PLA2G2C: variants seen among roughly 807,000 people sequenced by gnomAD.
PLA2G2C encodes phospholipase A2 group IIC.
Under a neutral mutation model 14.3 loss-of-function variants are expected in PLA2G2C, and 15 were observed. The observed-to-expected ratio is 1.05, with a 90% CI of 0.70 to 1.62. PLA2G2C has a LOEUF of 1.62. Ranked by LOEUF, PLA2G2C falls within the 40% of genes most tolerant of loss-of-function variation. PLA2G2C has a pLI of 0.00. For synonymous variants in PLA2G2C, 79 were observed against 67.7 expected (o/e 1.17, Z -0.82); for missense variants, 162 against 173.2 (o/e 0.94, Z 0.36).
In PLA2G2C at chr1:20,163,690, T is replaced by C; in HGVS notation, c.*301A>G. On this transcript the variant is annotated 3_prime_UTR_variant, in exon 5 of 5. Transcript: ENST00000679259. The stretch of plus-strand genomic sequence containing the variant: ...TGTTTTACTGCATCATAGCACTTAC[T>C]ACAGTCTAATGTGTCTCTTACTTCT... 1 of 303,530 alleles carries C rather than the reference T, an allele frequency of 3.3e-6. No homozygotes were observed. The highest frequency in any genetic ancestry group is 6.1e-6 in the Non-Finnish European group (1 of 164,248). The allele number at this position is 303,530 out of a possible 1,614,324, so 18.8% of individuals were successfully genotyped here. A position where few individuals can be genotyped will look rare whatever the true frequency, so the allele number is the denominator to read the frequency against.
At position 20,164,109 on chromosome 1, in the gene PLA2G2C, G is replaced by T. The variant is rs369355506; in HGVS notation, c.332C>A (p.Ala111Asp). Residue 111 changes from alanine (A) to aspartate (D), a missense_variant, in exon 5 of 5, where the codon GCC becomes GAC. Transcript: ENST00000679259. ...CACGGATTGCTTGTCACACTCACAG[G>T]CCTTCAGCCTGCAGTGGCAGCTGGC... The part of the protein sequence containing the change: ...PGASCHCRLK[A>D]CECDKQSVHC... The T allele has an allele frequency of 3.1e-6, 5 of 1,613,710 alleles. No homozygotes were observed. In the African/African-American group the frequency reaches 6.7e-5, roughly 22 times the overall value.
At chr1:20,167,790 T>C (rs1286059449) in intron 4 of PLA2G2C, among the ~76,000 whole-genome samples, 1 of 152,182 alleles carries the variant, frequency 6.6e-6, no homozygotes, top group Admixed American at 6.5e-5. Context: ...TCCTAGCACA[T>C]TGGCCCTGAG....
intron 4 of PLA2G2C, among the ~76,000 whole-genome samples, chr1:20,164,912 C>G (rs961612616): frequency 1.3e-5 from 2 of 152,284 alleles, no homozygotes; most frequent in Non-Finnish European, 2.9e-5. Context: ...TCTCTGTCAT[C>G]AGCAGCTCTT....
At chr1:20,166,092 G>A (rs765335537) in intron 4 of PLA2G2C, among the ~76,000 whole-genome samples, 12 of 152,216 alleles carry the variant, frequency 7.9e-5, no homozygotes, top group Admixed American at 1.3e-4. Flanking sequence ...TGCCTGGCAC[G>A]CAGAAGGTGC....
chr1:20,168,143 G>T (rs925511212), intron 4 of PLA2G2C, among the ~76,000 whole-genome samples: 2 of 152,218 alleles, frequency 1.3e-5, no homozygotes, highest in Admixed American at 6.5e-5. Context: ...CAGGAAGCCA[G>T]GTTCTTGGGC....
chr1:20,185,268 G>A (rs1053987252), intron 1 of PLA2G2C, among the ~76,000 whole-genome samples: 1 of 152,210 alleles, frequency 6.6e-6, no homozygotes, highest in African/African-American at 2.4e-5. Context: ...GTGTGTGGCT[G>A]GCCAAGACTT....
chr1:20,169,866 C>G (rs765529736), intron 4 of PLA2G2C, among the ~76,000 whole-genome samples: 1 of 152,234 alleles, frequency 6.6e-6, no homozygotes, highest in Non-Finnish European at 1.5e-5. Flanking sequence ...TACAGCGAAG[C>G]AAACTCCATC....
chr1:20,184,740 T>C (rs2018337385), intron 1 of PLA2G2C: 1 of 152,262 alleles, frequency 6.6e-6, no homozygotes, highest in African/African-American at 2.4e-5. Flanking sequence ...ATATGATGGC[T>C]TCTATTTTCT....
At chr1:20,168,132 A>G (rs566182082) in intron 4 of PLA2G2C, among the ~76,000 whole-genome samples, 1 of 152,298 alleles carries the variant, frequency 6.6e-6, no homozygotes, top group Admixed American at 6.5e-5. Context: ...CCCCTTGGAG[A>G]CAGGAAGCCA....
chr1:20,171,495 T>C (rs550626401), intron 4 of PLA2G2C, among the ~76,000 whole-genome samples: 6 of 152,194 alleles, frequency 3.9e-5, no homozygotes, highest in African/African-American at 1.4e-4. Context: ...GGTATTGGTG[T>C]GTGCTGAGCT....
intron 1 of PLA2G2C, among the ~76,000 whole-genome samples, chr1:20,183,507 T>C (rs2018309403): frequency 6.6e-6 from 1 of 152,158 alleles, no homozygotes; most frequent in African/African-American, 2.4e-5. Flanking sequence ...GCTCCACTGT[T>C]TTCTAAAGCA....
chr1:20,167,214 C>A (rs1384327527), intron 4 of PLA2G2C, among the ~76,000 whole-genome samples: 1 of 152,128 alleles, frequency 6.6e-6, no homozygotes, highest in Non-Finnish European at 1.5e-5. Flanking sequence ...TCTGAATACT[C>A]CCAACTTCTC....
intron 2 of PLA2G2C, 26 bp from the exon 3 acceptor site, chr1:20,175,171 G>T (rs374451968): frequency 3.7e-6 from 6 of 1,613,782 alleles, no homozygotes; most frequent in African/African-American, 1.3e-5. Flanking sequence ...AGAAAAAAAG[G>T]AAGAAGGAAG....
rs919290519 is a variant in PLA2G2C, at chr1:20,183,999, C to G, written c.-77+2361G>C. Among the ~76,000 whole-genome samples the G allele has an allele frequency of 4.6e-5, 7 of 152,158 alleles. 1 individual carries two copies. Among genetic ancestry groups the G allele is most frequent in the Non-Finnish European group, 1.0e-4 (7 of 68,036 alleles). The stretch of plus-strand genomic sequence containing the variant: ...TGAAGACATCCTCTTTATAGAAGGT[C>G]GGGCACAAAGGCAGCAGAGGCACAG... On this transcript the variant is annotated intron_variant, in intron 1 of 4. Transcript: ENST00000679259.
At position 20,176,330 on chromosome 1, in the gene PLA2G2C, CTG is replaced by C. The variant is rs2018183242; in HGVS notation, c.40+992_40+993del. Among the ~76,000 whole-genome samples the C allele has an allele frequency of 1.3e-5, 2 of 152,156 alleles. 1 individual carries two copies. The highest frequency in any genetic ancestry group is 4.8e-5 in the African/African-American group (2 of 41,444). ...GTCACATCTGGATGTAGGGAAAAAA[CTG>C]GGGTCTGGGGAGGATGAGGAGGAGC... On this transcript the variant is annotated intron_variant, in intron 2 of 4. Coordinates refer to ENST00000679259, the MANE Select transcript of PLA2G2C (RefSeq NM_001367969.2).
rs374293732 is a variant in PLA2G2C, at chr1:20,175,082, G to T, written c.104C>A (p.Ala35Asp). ...GCCATATCCGTAATATGAGAAGAAG[G>T]CACTTCGCCCCGTGATGTGTTTGAC... Reference protein sequence around the residue: ...RRVKHITGRSAFFSYYGYGCY... With the variant: ...RRVKHITGRSDFFSYYGYGCY... Residue 35 changes from alanine (A) to aspartate (D), a missense_variant, in exon 3 of 5, where the codon GCC becomes GAC. Transcript: ENST00000679259. 2 of 1,613,912 alleles carry T rather than the reference G, an allele frequency of 1.2e-6. No homozygotes were observed. Among genetic ancestry groups the T allele is most frequent in the South Asian group, 2.2e-5 (2 of 91,072 alleles).
chr1:20,180,476 G>A (rs1463643600), intron 1 of PLA2G2C, among the ~76,000 whole-genome samples: 3 of 152,218 alleles, frequency 2.0e-5, no homozygotes, highest in Non-Finnish European at 4.4e-5. Flanking sequence ...GACAGAGGAG[G>A]AGACCAAGTC....
chr1:20,173,148 T>A (rs1271175635), intron 3 of PLA2G2C, among the ~76,000 whole-genome samples: 1 of 139,510 alleles, frequency 7.2e-6, no homozygotes, highest in African/African-American at 2.7e-5. Flanking sequence ...CTATGTTTTT[T>A]AAGTTTAAAA....
At chr1:20,176,159 T>C (rs1308726825) in intron 2 of PLA2G2C, among the ~76,000 whole-genome samples, 1 of 152,124 alleles carries the variant, frequency 6.6e-6, no homozygotes, top group Non-Finnish European at 1.5e-5. Flanking sequence ...CCTCAGGTGA[T>C]CCGCCCGCCT....
Sources: gnomAD v4.1 joint callset for allele counts (sites outside exome capture counted in the v4.1 genomes callset) on GRCh38, gnomAD v4.1.1 for gene constraint, MANE v1.5 for transcripts, NCBI Gene and HGNC (gene_info 2026-07-23, HGNC 2026-07-21) for gene names.